Variants in SBF2 observed in about 807,000 individuals in gnomAD.
SBF2 encodes myotubularin-related protein 13.
Under a neutral mutation model 225.2 loss-of-function variants are expected in SBF2, and 112 were observed. That is an observed-to-expected ratio of 0.50 (90% CI 0.43 to 0.58). The LOEUF (loss-of-function observed/expected upper bound fraction) is 0.58, where lower values mean the gene tolerates loss of function less well. Ranked by LOEUF, SBF2 falls within the 20% of genes least tolerant of loss-of-function variation. The pLI, the probability that SBF2 is intolerant of heterozygous loss-of-function variation, is 0.00. For synonymous variants in SBF2, 763 were observed against 773.3 expected, an observed-to-expected ratio of 0.99 and a Z score of 0.22; for missense variants, 1,996 against 2,206.2, an observed-to-expected ratio of 0.90 and a Z score of 1.91.
chr11:10,186,409 T>C (rs1216337857), intron 2 of SBF2, among the ~76,000 whole-genome samples: 1 of 152,194 alleles, frequency 6.6e-6, no homozygotes, highest in African/African-American at 2.4e-5. Flanking sequence ...GGCACACACC[T>C]GTAGTCCTAG....
At chr11:10,164,264 C>A (rs998685399) in intron 2 of SBF2, among the ~76,000 whole-genome samples, 7 of 152,144 alleles carry the variant, frequency 4.6e-5, no homozygotes, top group Admixed American at 3.9e-4. Flanking sequence ...GCAGGTCTTA[C>A]ATCATAATTT....
At chr11:10,136,584 GGCCAAGTCAGACAAAA>G (rs1475070478) in intron 2 of SBF2, among the ~76,000 whole-genome samples, 4 of 152,178 alleles carry the variant, frequency 2.6e-5, no homozygotes, top group Non-Finnish European at 5.9e-5. Flanking sequence ...GATGTTGTAT[GGCCAAGTCAGACAAAA>G]GCATGCATAC....
chr11:10,081,835 G>C (rs1565209063), intron 2 of SBF2, among the ~76,000 whole-genome samples: 1 of 148,940 alleles, frequency 6.7e-6, no homozygotes. Flanking sequence ...AGAAAACCAA[G>C]AACAAACCAA....
intron 21 of SBF2, 56 bp downstream of exon 21, chr11:9,852,620 A>G: frequency 4.0e-6 from 5 of 1,242,922 alleles, no homozygotes; most frequent in South Asian, 1.2e-5. Flanking sequence ...ACAGCAGTCT[A>G]TTGTTTGTTT....
At chr11:9,990,893 A>G (rs1365717649) in intron 12 of SBF2, among the ~76,000 whole-genome samples, 1 of 152,200 alleles carries the variant, frequency 6.6e-6, no homozygotes, top group Admixed American at 6.5e-5. Context: ...AGAGGAGGGC[A>G]CTCCAAGCAA....
chr11:10,269,424 C>T (rs1311462375), intron 1 of SBF2, among the ~76,000 whole-genome samples: 1 of 152,166 alleles, frequency 6.6e-6, no homozygotes, highest in African/African-American at 2.4e-5. Context: ...GAAACTTTCC[C>T]TGGAACCGTA....
At chr11:9,985,831 A>G (rs1168234063) in intron 13 of SBF2, among the ~76,000 whole-genome samples, 3 of 152,214 alleles carry the variant, frequency 2.0e-5, no homozygotes, top group African/African-American at 7.2e-5. Context: ...ACACAATAAT[A>G]GTGGGGGACG....
chr11:10,022,381 T>C lies in SBF2; in HGVS notation c.619+6071A>G, dbSNP rs893982769. ...GGATAAAATCTGTATTTTGCTTAAA[T>C]ACATATTTTTAAGGTTTTAAAAATA... On this transcript the variant is annotated intron_variant, in intron 6 of 39. Transcript: ENST00000256190. 2.0e-5 allele frequency among the ~76,000 whole-genome samples: 3 copies of C among 152,290 alleles called. No homozygotes were observed. The East Asian group carries it at 5.8e-4, about 29-fold the overall frequency.
intron 1 of SBF2, among the ~76,000 whole-genome samples, chr11:10,217,467 A>G (rs1274386890): frequency 6.6e-6 from 1 of 152,252 alleles, no homozygotes; most frequent in Non-Finnish European, 1.5e-5. Context: ...CTAATGCTAT[A>G]TAACATGGTA....
chr11:10,041,528 T>C (rs1203350293), intron 3 of SBF2, among the ~76,000 whole-genome samples: 1 of 152,210 alleles, frequency 6.6e-6, no homozygotes, highest in Non-Finnish European at 1.5e-5. Flanking sequence ...GACAATGTGC[T>C]GATAATGCAT....
At chr11:9,898,340 T>G (rs1186211100) in intron 16 of SBF2, among the ~76,000 whole-genome samples, 1 of 151,568 alleles carries the variant, frequency 6.6e-6, no homozygotes, top group Non-Finnish European at 1.5e-5. Flanking sequence ...AGTTTAGAAT[T>G]TACTGCATGT....
intron 1 of SBF2, among the ~76,000 whole-genome samples, chr11:10,283,938 A>G (rs956720893): frequency 6.6e-6 from 1 of 152,232 alleles, no homozygotes; most frequent in African/African-American, 2.4e-5. Flanking sequence ...TAAAGTGACT[A>G]AGTTAAAATG....
At chr11:9,881,730 C>T (rs1859775302) in intron 17 of SBF2, among the ~76,000 whole-genome samples, 1 of 151,992 alleles carries the variant, frequency 6.6e-6, no homozygotes, top group Non-Finnish European at 1.5e-5. Flanking sequence ...CTCTACAACA[C>T]TCCCCATCCC....
intron 20 of SBF2, among the ~76,000 whole-genome samples, chr11:9,853,292 G>A (rs749234430): frequency 6.6e-5 from 10 of 152,108 alleles, no homozygotes; most frequent in Non-Finnish European, 1.3e-4. Flanking sequence ...TAATAAAAAA[G>A]TTTTAGAAAT....
intron 16 of SBF2, among the ~76,000 whole-genome samples, chr11:9,905,658 C>A (rs1248208895): frequency 6.6e-6 from 1 of 151,880 alleles, no homozygotes; most frequent in African/African-American, 2.4e-5. Flanking sequence ...TCTGTGGGGA[C>A]CTTTGTTGGA....
intron 2 of SBF2, among the ~76,000 whole-genome samples, chr11:10,076,642 GGCA>G (rs2134838544): frequency 6.6e-6 from 1 of 152,230 alleles, no homozygotes; most frequent in South Asian, 2.1e-4. Flanking sequence ...GCATACCACT[GGCA>G]GCAGGCCATG....
intron 6 of SBF2, among the ~76,000 whole-genome samples, chr11:10,016,255 T>G (rs1234397612): frequency 1.3e-5 from 2 of 152,102 alleles, no homozygotes; most frequent in Non-Finnish European, 2.9e-5. Flanking sequence ...GTAAAAACAA[T>G]CAGTTGATAT....
intron 13 of SBF2, among the ~76,000 whole-genome samples, chr11:9,972,892 C>T (rs1243384700): frequency 6.6e-6 from 1 of 152,154 alleles, no homozygotes; most frequent in African/African-American, 2.4e-5. Context: ...TAAAAAAGAT[C>T]ATGTTAAAAC....
intron 16 of SBF2, among the ~76,000 whole-genome samples, chr11:9,951,479 G>A (rs902668061): frequency 2.6e-5 from 4 of 152,098 alleles, no homozygotes; most frequent in South Asian, 2.1e-4. Flanking sequence ...AGCAAGAGAT[G>A]GTAATGCAGA....
Sources: gnomAD v4.1 joint callset for allele counts (sites outside exome capture counted in the v4.1 genomes callset) on GRCh38, gnomAD v4.1.1 for gene constraint, MANE v1.5 for transcripts, NCBI Gene and HGNC (gene_info 2026-07-23, HGNC 2026-07-21) for gene names.